Variants in SETD3 observed in about 807,000 individuals in gnomAD.
SETD3 encodes the protein actin-histidine N-methyltransferase.
Under a neutral mutation model 63.0 loss-of-function variants are expected in SETD3, and 19 were observed. The observed-to-expected ratio is 0.30, with a 90% CI of 0.21 to 0.44. SETD3 has a LOEUF of 0.44. SETD3 is among the 20% of genes least tolerant of loss of function. The probability of loss-of-function intolerance (pLI) is 1.00; values close to 1 mark genes in which losing one functional copy is unlikely to be tolerated. For synonymous variants in SETD3, 286 were observed against 264.1 expected (o/e 1.08, Z -0.80); for missense variants, 587 against 728.5 (o/e 0.81, Z 2.24).
At chr14:99,422,740 A>C (rs964004930) in intron 6 of SETD3, among the ~76,000 whole-genome samples, 20 of 152,196 alleles carry the variant, frequency 1.3e-4, no homozygotes, top group Admixed American at 9.2e-4. Context: ...TACTTAGGTA[A>C]ATCTCACTGA....
At chr14:99,437,368 C>G (rs1368218719) in intron 6 of SETD3, among the ~76,000 whole-genome samples, 1 of 152,160 alleles carries the variant, frequency 6.6e-6, no homozygotes, top group African/African-American at 2.4e-5. Flanking sequence ...GGGTCAGTGA[C>G]CAGTGCCACC....
At chr14:99,480,352 G>A (rs1449258519) in intron 1 of SETD3, among the ~76,000 whole-genome samples, 4 of 152,016 alleles carry the variant, frequency 2.6e-5, no homozygotes. Context: ...GCCGGGGACA[G>A]CGGGGCAAGC....
chr14:99,468,411 A>T (rs565434538), intron 1 of SETD3, among the ~76,000 whole-genome samples: 1 of 152,296 alleles, frequency 6.6e-6, no homozygotes, highest in East Asian at 1.9e-4. Flanking sequence ...ATAGTAGGAA[A>T]TCACATTATT....
chr14:99,413,785 C>CT, intron 7 of SETD3, 91 bp downstream of exon 7: 6 of 1,216,296 alleles, frequency 4.9e-6, no homozygotes, highest in Non-Finnish European at 7.3e-6. Flanking sequence ...CAGCAGGTCA[C>CT]TTCTCACTGA....
chr14:99,410,273 G>T (rs1642676857), intron 8 of SETD3: 1 of 1,612,132 alleles, frequency 6.2e-7, no homozygotes, highest in African/African-American at 1.3e-5. Flanking sequence ...AGGGTGTGGG[G>T]GGACAGGTTG....
intron 6 of SETD3, among the ~76,000 whole-genome samples, chr14:99,457,321 T>C (rs531600272): frequency 6.6e-6 from 1 of 152,362 alleles, no homozygotes; most frequent in East Asian, 1.9e-4. Flanking sequence ...TTTTGACATA[T>C]TTGAAGTGCT....
intron 6 of SETD3, among the ~76,000 whole-genome samples, chr14:99,443,254 C>CA (rs202185846): frequency 2.3e-4 from 33 of 143,590 alleles, no homozygotes; most frequent in Admixed American, 7.5e-4. Context: ...TCTGAACTCC[C>CA]ATTTTTTTTT....
intron 1 of SETD3, among the ~76,000 whole-genome samples, chr14:99,466,721 TAGCGAGGC>T (rs1895405830): frequency 1.3e-5 from 2 of 151,744 alleles, no homozygotes; most frequent in African/African-American, 4.8e-5. Flanking sequence ...TAGGGAAGCC[TAGCGAGGC>T]AGCCACTCAA....
At chr14:99,406,723 T>C (rs1891702548) in intron 8 of SETD3, 133 bp from the exon 9 acceptor site, 3 of 812,688 alleles carry the variant, frequency 3.7e-6, no homozygotes, top group African/African-American at 1.7e-5. Context: ...TCTGAATGCT[T>C]TGGAAAATGG....
At chr14:99,447,854 A>G (rs974351137) in intron 6 of SETD3, among the ~76,000 whole-genome samples, 1 of 152,220 alleles carries the variant, frequency 6.6e-6, no homozygotes, top group Non-Finnish European at 1.5e-5. Context: ...ATCCCAACAC[A>G]GAGTAAAACG....
rs1342930753 is a variant in SETD3, at chr14:99,459,158, G to A, written c.373C>T (p.Arg125Ter). 3 of 1,611,102 alleles carry A rather than the reference G, an allele frequency of 1.9e-6. No individual in the cohort carries two copies. Among genetic ancestry groups the A allele is most frequent in the Admixed American group, 1.7e-5 (1 of 59,464 alleles). ...GATTCAACAGTCATTAGCAATTTTCGTGGAACCCATAAAAACAATTCTTCT... is the reference window on the plus strand; with the variant it reads ...GATTCAACAGTCATTAGCAATTTTCATGGAACCCATAAAAACAATTCTTCT... ...KAEELFLWVP[R>*]KLLMTVESAK... The change falls in exon 5 of 13, where the codon CGA becomes TGA. Residue 125 changes from arginine (R) to a stop codon, truncating the protein, a stop_gained. Transcript: ENST00000331768. LOFTEE classifies it high-confidence loss of function.
At chr14:99,451,346 G>A (rs1894449330) in intron 6 of SETD3, among the ~76,000 whole-genome samples, 1 of 152,128 alleles carries the variant, frequency 6.6e-6, no homozygotes, top group Non-Finnish European at 1.5e-5. Flanking sequence ...TTCACAAACT[G>A]ACATAAATTT....
At chr14:99,449,487 C>T (rs567361227) in intron 6 of SETD3, among the ~76,000 whole-genome samples, 1 of 152,312 alleles carries the variant, frequency 6.6e-6, no homozygotes, top group African/African-American at 2.4e-5. Flanking sequence ...TAATTTCAGT[C>T]TACACATGAT....
chr14:99,432,187 C>G (rs1263866674), intron 6 of SETD3, among the ~76,000 whole-genome samples: 1 of 152,116 alleles, frequency 6.6e-6, no homozygotes, highest in Non-Finnish European at 1.5e-5. Context: ...AGGACAAATT[C>G]CCTTCTACCT....
At chr14:99,402,337 G>A (rs1273749864) in intron 11 of SETD3, among the ~76,000 whole-genome samples, 2 of 152,202 alleles carry the variant, frequency 1.3e-5, no homozygotes, top group African/African-American at 2.4e-5. Context: ...AGTTAACAGA[G>A]GTGGGTTCTA....
In SETD3 at chr14:99,447,864, G is replaced by A. The variant is rs374715352; in HGVS notation, c.675+10415C>T. On this transcript the variant is annotated intron_variant, in intron 6 of 12. Coordinates refer to ENST00000331768, the MANE Select transcript of SETD3 (RefSeq NM_032233.3). ...TTTCAATCCCAACACAGAGTAAAAC[G>A]AAGAGGTGGAGTGATCTTTAGGGAG... Among the ~76,000 whole-genome samples the A allele has an allele frequency of 3.9e-5, 6 of 152,192 alleles. No individual in the cohort carries two copies. The East Asian group carries it at 5.8e-4, about 15-fold the overall frequency.
chr14:99,405,221 G>A lies in SETD3; in HGVS notation c.1075C>T (p.Arg359Cys), dbSNP rs749346347. ...TCTACGTACGTGGGGATGCCGGCAC[G>A]AGCCAAGACCTCGGCCTTCATGGCG... ...LYAMKAEVLARAGIPTSSVFA... is the reference protein window; with the variant it reads ...LYAMKAEVLACAGIPTSSVFA... The change falls in exon 10 of 13, where the codon CGT becomes TGT. Residue 359 changes from arginine to cysteine, a missense_variant. Transcript: ENST00000331768. The A allele has an allele frequency of 1.4e-5, 23 of 1,612,768 alleles. No individual in the cohort carries two copies. The highest frequency in any genetic ancestry group is 1.0e-4 in the Admixed American group (6 of 59,596).
intron 1 of SETD3, chr14:99,478,798 G>A (rs1896105797): frequency 6.6e-6 from 1 of 152,160 alleles, no homozygotes; most frequent in African/African-American, 2.4e-5. Context: ...GTGTTCCAAG[G>A]AGGCTGTTGT....
chr14:99,479,361 C>G (rs1896138897), intron 1 of SETD3, among the ~76,000 whole-genome samples: 1 of 152,162 alleles, frequency 6.6e-6, no homozygotes, highest in South Asian at 2.1e-4. Context: ...TCACGGCAGC[C>G]CTTGGGACTA....
Sources: gnomAD v4.1 joint callset for allele counts (sites outside exome capture counted in the v4.1 genomes callset) on GRCh38, gnomAD v4.1.1 for gene constraint, MANE v1.5 for transcripts, NCBI Gene and HGNC (gene_info 2026-07-23, HGNC 2026-07-21) for gene names.